The following PCDHA6 variants were observed in gnomAD, a reference collection of about 807,000 sequenced individuals.
The protein encoded by PCDHA6 is protocadherin alpha 6.
A neutral mutation model predicts 60.3 loss-of-function variants in PCDHA6; 55 were observed. That is an observed-to-expected ratio of 0.91 (90% CI 0.73 to 1.14). The LOEUF (loss-of-function observed/expected upper bound fraction) is 1.14, where lower values mean the gene tolerates loss of function less well. PCDHA6 is among the 50% of genes most tolerant of loss of function. The pLI, the probability that PCDHA6 is intolerant of heterozygous loss-of-function variation, is 0.00. For synonymous variants in PCDHA6, 652 were observed against 557.9 expected, an observed-to-expected ratio of 1.17 and a Z score of -2.38; for missense variants, 1,327 against 1,256.5, an observed-to-expected ratio of 1.06 and a Z score of -0.85.
intron 1 of PCDHA6, chr5:140,870,942 G>T (rs782286042): frequency 1.2e-6 from 2 of 1,613,740 alleles, no homozygotes; most frequent in Non-Finnish European, 1.7e-6. Flanking sequence ...TGCAGCCGGC[G>T]GCGGGCGGCT....
chr5:140,986,950 A>G (rs1161887732), intron 3 of PCDHA6, among the ~76,000 whole-genome samples: 1 of 152,282 alleles, frequency 6.6e-6, no homozygotes, highest in East Asian at 1.9e-4. Context: ...GTGGTCGCTC[A>G]TGCCTGTAAT....
At chr5:140,862,678 C>T (rs1490436756) in intron 1 of PCDHA6, 1 of 550,784 alleles carries the variant, frequency 1.8e-6, no homozygotes, top group Non-Finnish European at 3.6e-6. Context: ...GGAGAACGTG[C>T]TGGTGTCCTA....
chr5:140,886,602 C>A (rs1167539535), intron 1 of PCDHA6, among the ~76,000 whole-genome samples: 1 of 151,638 alleles, frequency 6.6e-6, no homozygotes, highest in Non-Finnish European at 1.5e-5. Flanking sequence ...CCAAGGTGGG[C>A]GGATCAGGAG....
intron 1 of PCDHA6, chr5:140,876,892 A>G (rs782046911): frequency 1.2e-6 from 2 of 1,614,044 alleles, no homozygotes; most frequent in South Asian, 1.1e-5. Context: ...GGGCTGCCAC[A>G]TCTTCACGGT....
At position 140,915,626 on chromosome 5, in the gene PCDHA6, G is replaced by GTCTCTCTCTC. The variant is rs57920489; in HGVS notation, c.2395-63302_2395-63293dup. 2.5e-3 allele frequency among the ~76,000 whole-genome samples: 366 copies of GTCTCTCTCTC among 146,512 alleles called. 2 individuals carry two copies. Among genetic ancestry groups the GTCTCTCTCTC allele is most frequent in the South Asian group, 3.6e-3 (16 of 4,500 alleles). ...ACTTTCTGTCAAACAGTCTCTTTCT[G>GTCTCTCTCTC]TCTCTCTCTCTCTCTCTCTCTCTCT... On this transcript the variant is annotated intron_variant, in intron 1 of 3. Coordinates refer to ENST00000529310, the MANE Select transcript of PCDHA6 (RefSeq NM_018909.4).
At chr5:140,911,283 A>G (rs906069835) in intron 1 of PCDHA6, among the ~76,000 whole-genome samples, 1 of 152,278 alleles carries the variant, frequency 6.6e-6, no homozygotes, top group Non-Finnish European at 1.5e-5. Context: ...CAGCTTCATC[A>G]GGGTCCTTTT....
chr5:140,865,536 A>G (rs2048910301), intron 1 of PCDHA6: 1 of 152,222 alleles, frequency 6.6e-6, no homozygotes, highest in African/African-American at 2.4e-5. Flanking sequence ...CTTCATCCAT[A>G]GCTATAGGAC....
intron 3 of PCDHA6, among the ~76,000 whole-genome samples, chr5:140,997,728 A>G (rs1376007377): frequency 6.6e-6 from 1 of 152,030 alleles, no homozygotes; most frequent in Non-Finnish European, 1.5e-5. Flanking sequence ...ACGTCAGTAC[A>G]TATAGATTTG....
In PCDHA6 at chr5:140,828,429, C is replaced by A. The variant is rs2150155314; in HGVS notation, c.338C>A (p.Pro113Gln). ...SIHLEVIVDR[P>Q]LQVFHVDVEV... The stretch of plus-strand genomic sequence containing the variant: ...CACCTGGAGGTGATCGTGGACAGGC[C>A]GCTGCAGGTTTTCCATGTGGACGTG... The change falls in exon 1 of 4, where the codon CCG becomes CAG. Residue 113 changes from proline to glutamine, a missense_variant. Coordinates refer to ENST00000529310, the MANE Select transcript of PCDHA6 (RefSeq NM_018909.4). The A allele has an allele frequency of 4.3e-6, 7 of 1,614,216 alleles. No homozygotes were observed. Among genetic ancestry groups the A allele is most frequent in the East Asian group, 2.2e-5 (1 of 44,888 alleles).
In PCDHA6 at chr5:140,844,489, A is replaced by G. The variant is rs914075659; in HGVS notation, c.2394+14004A>G. The stretch of plus-strand genomic sequence containing the variant: ...TTTTTTGAGCCTCTATGTTTAGGAA[A>G]TGATTACTTTATTCTTGCAAGTATC... On this transcript the variant is annotated intron_variant, in intron 1 of 3. Coordinates refer to ENST00000529310, the MANE Select transcript of PCDHA6 (RefSeq NM_018909.4). Among the ~76,000 whole-genome samples, 7 of 149,414 alleles carry G rather than the reference A, an allele frequency of 4.7e-5. No individual in the cohort carries two copies. In the South Asian group the frequency reaches 1.5e-3, roughly 32 times the overall value.
chr5:140,997,668 TTGTGTGTG>T (rs35184029), intron 3 of PCDHA6, among the ~76,000 whole-genome samples: 1 of 148,244 alleles, frequency 6.7e-6, no homozygotes, highest in Non-Finnish European at 1.5e-5. Context: ...ATTATACAGC[TTGTGTGTG>T]TGTGTGTGTG....
At chr5:140,945,954 A>G (rs187878503) in intron 1 of PCDHA6, among the ~76,000 whole-genome samples, 130 of 152,264 alleles carry the variant, frequency 8.5e-4, no homozygotes, top group Non-Finnish European at 1.6e-3. Flanking sequence ...ATGACCCTGA[A>G]AGCACAGGCA....
intron 1 of PCDHA6, chr5:140,852,582 ATTT>A: frequency 7.2e-6 from 5 of 693,510 alleles, no homozygotes; most frequent in Non-Finnish European, 8.9e-6. Context: ...AGGCTTTTTT[ATTT>A]TTTTTTTTTG....
At chr5:140,884,112 C>T (rs2153400405) in intron 1 of PCDHA6, 1 of 1,613,306 alleles carries the variant, frequency 6.2e-7, no homozygotes. Flanking sequence ...CAGCTGGCGG[C>T]GGTCGGCGCG....
rs2150195630 is a variant in PCDHA6, at chr5:140,831,520, CTTTTTT to C, written c.2394+1054_2394+1059del. Among the ~76,000 whole-genome samples, 55 of 122,392 alleles carry C rather than the reference CTTTTTT, an allele frequency of 4.5e-4. No individual in the cohort carries two copies. The Middle Eastern group carries it at 0.013, about 28-fold the overall frequency. 80.3% of individuals were successfully genotyped at this position (122,392 alleles called of 152,430 possible). On this transcript the variant is annotated intron_variant, in intron 1 of 3. Transcript: ENST00000529310. ...ACACGAGCACCACCATGCCCCCCAC[CTTTTTT>C]TTTTTTTTTTTTTTTTTTAAGAGAT...
intron 1 of PCDHA6, among the ~76,000 whole-genome samples, chr5:140,921,258 G>C (rs537231615): frequency 6.6e-6 from 1 of 151,824 alleles, no homozygotes; most frequent in South Asian, 2.1e-4. Flanking sequence ...AAAAGTCCTA[G>C]ACTTTTATAC....
At chr5:140,886,403 AT>A (rs1196342524) in intron 1 of PCDHA6, among the ~76,000 whole-genome samples, 19 of 152,184 alleles carry the variant, frequency 1.2e-4, no homozygotes, top group African/African-American at 4.6e-4. Context: ...CATCACAAAT[AT>A]GTTTTCCTCC....
chr5:140,904,170 A>T (rs2070892349), intron 1 of PCDHA6, among the ~76,000 whole-genome samples: 1 of 151,964 alleles, frequency 6.6e-6, no homozygotes. Context: ...GTAGTCTTTT[A>T]TTCCTCACCC....
At chr5:140,878,352 A>T (rs2057558583) in intron 1 of PCDHA6, among the ~76,000 whole-genome samples, 1 of 152,242 alleles carries the variant, frequency 6.6e-6, no homozygotes, top group African/African-American at 2.4e-5. Flanking sequence ...CAATAATATA[A>T]ATGATATGTC....
Sources: allele counts gnomAD v4.1 joint callset (sites outside exome capture counted in the v4.1 genomes callset), GRCh38; gene constraint gnomAD v4.1.1; transcripts MANE v1.5; gene names NCBI Gene and HGNC (gene_info 2026-07-23, HGNC 2026-07-21).